ENOX2: variants seen among roughly 807,000 people sequenced by gnomAD.
ENOX2 encodes the protein APK1 antigen.
A neutral mutation model predicts 45.0 loss-of-function variants in ENOX2; 36 were observed. The observed-to-expected ratio is 0.80, with a 90% CI of 0.61 to 1.06. ENOX2 has a LOEUF of 1.06. Ranked by LOEUF, ENOX2 falls within the 50% of genes least tolerant of loss-of-function variation. The probability of loss-of-function intolerance (pLI) is 0.00; values close to 1 mark genes in which losing one functional copy is unlikely to be tolerated. For synonymous variants in ENOX2, 174 were observed against 152.3 expected (o/e 1.14, Z -1.05); for missense variants, 423 against 462.5 (o/e 0.91, Z 0.78).
chrX:130,670,120 T>C lies in ENOX2; in HGVS notation c.539A>G (p.Asp180Gly), dbSNP rs767058308. The change falls in exon 7 of 15, where the codon GAT becomes GGT. Residue 180 changes from aspartate (D) to glycine (G), a missense_variant. By Grantham distance (94) the Asp-to-Gly change is moderately conservative (BLOSUM62 -1). Around this residue, in one of 5 missense-constraint regions of ENOX2, gnomAD observed 261 missense variants for 306.8 expected, o/e 0.85. Transcript: ENST00000394363. ...RLHVDFAQAR[D>G]DLYEWECKQR... ...TTTACACTCCCACTCATACAGGTCA[T>C]CTCGAGCCTGTGCGAAATCAACGTG... The C allele has an allele frequency of 1.3e-5, 16 of 1,208,846 alleles. No individual in the cohort carries two copies. Among genetic ancestry groups the C allele is most frequent in the Admixed American group, 2.2e-5 (1 of 45,663 alleles).
At chrX:130,716,753 A>G (rs1055489102) in intron 3 of ENOX2, among the ~76,000 whole-genome samples, 3 of 112,634 alleles carry the variant, frequency 2.7e-5, no homozygotes, top group African/African-American at 9.7e-5. Flanking sequence ...TATCCTGTAT[A>G]TGATATATTT....
At chrX:130,800,342 CAA>C (rs199592323) in intron 2 of ENOX2, among the ~76,000 whole-genome samples, 10 of 62,104 alleles carry the variant, frequency 1.6e-4, no homozygotes, top group South Asian at 7.3e-4. Flanking sequence ...AATGAGTAGT[CAA>C]AAAAAAAAAA....
intron 3 of ENOX2, among the ~76,000 whole-genome samples, chrX:130,737,083 G>T (rs2038877053): frequency 8.9e-6 from 1 of 112,215 alleles, no homozygotes; most frequent in South Asian, 3.7e-4. Context: ...CCATAAACCA[G>T]TTTTCTGAAG....
At chrX:130,650,211 C>T (rs944326296) in intron 10 of ENOX2, among the ~76,000 whole-genome samples, 3 of 111,983 alleles carry the variant, frequency 2.7e-5, no homozygotes, top group Admixed American at 9.5e-5. Flanking sequence ...TGATTAGAGG[C>T]GTATTCTCCA....
chrX:130,902,917 C>T (rs2079172104), intron 1 of ENOX2, 132 bp downstream of exon 1: 1 of 109,839 alleles, frequency 9.1e-6, no homozygotes, highest in Non-Finnish European at 1.9e-5. Context: ...TCCCGATACC[C>T]CCTCCCCTGC....
At position 130,817,670 on chromosome X, in the gene ENOX2, C is replaced by CAT. The variant is rs770692687; in HGVS notation, c.-182-33981_-182-33980insAT. 8.0e-3 allele frequency among the ~76,000 whole-genome samples: 896 copies of CAT among 111,540 alleles called. 10 individuals are homozygous for CAT. Among genetic ancestry groups the CAT allele is most frequent in the African/African-American group, 0.027 (845 of 30,733 alleles). On this transcript the variant is annotated intron_variant, in intron 2 of 14. Transcript: ENST00000394363. Reference sequence around the variant, plus strand: ...TAAACGGAACCAATGACAAAAACCACGATTATCTCAATAGATGCAGAAAAG... The same window carrying CAT: ...TAAACGGAACCAATGACAAAAACCACATGATTATCTCAATAGATGCAGAAAAG...
chrX:130,855,768 G>A (rs1254699580), intron 2 of ENOX2, among the ~76,000 whole-genome samples: 1 of 111,649 alleles, frequency 9.0e-6, no homozygotes, highest in Non-Finnish European at 1.9e-5. Flanking sequence ...AGACTATTAA[G>A]TAGATGAAAA....
intron 2 of ENOX2, among the ~76,000 whole-genome samples, chrX:130,820,966 C>T (rs2077586162): frequency 8.9e-6 from 1 of 112,182 alleles, no homozygotes; most frequent in African/African-American, 3.2e-5. Context: ...GTTCTCACCA[C>T]AAAATATGTT....
chrX:130,716,345 T>C (rs999129275), intron 3 of ENOX2, among the ~76,000 whole-genome samples: 5 of 112,101 alleles, frequency 4.5e-5, no homozygotes, highest in Non-Finnish European at 9.4e-5. Context: ...TGTTCCAGTG[T>C]TACCCTCCAC....
chrX:130,820,925 T>C (rs1030678719), intron 2 of ENOX2, among the ~76,000 whole-genome samples: 9 of 112,079 alleles, frequency 8.0e-5, no homozygotes, highest in African/African-American at 1.9e-4. Context: ...TAATGTATTC[T>C]TGAAAATCAC....
intron 10 of ENOX2, among the ~76,000 whole-genome samples, chrX:130,647,680 A>G (rs772395946): frequency 2.7e-5 from 3 of 112,219 alleles, no homozygotes; most frequent in Non-Finnish European, 5.6e-5. Context: ...CTCAGGATTG[A>G]GCAAGGTCTT....
chrX:130,858,856 G>A (rs2078359953), intron 2 of ENOX2, among the ~76,000 whole-genome samples: 1 of 112,152 alleles, frequency 8.9e-6, no homozygotes, highest in Non-Finnish European at 1.9e-5. Context: ...AAGTTGTAGA[G>A]AAAAATTTAT....
intron 2 of ENOX2, among the ~76,000 whole-genome samples, chrX:130,823,407 A>G (rs2077655579): frequency 9.0e-6 from 1 of 111,377 alleles, no homozygotes; most frequent in Non-Finnish European, 1.9e-5. Flanking sequence ...ATCTAAAAAA[A>G]TCTTCTAGTA....
chrX:130,700,629 T>C lies in ENOX2; in HGVS notation c.97+2491A>G, dbSNP rs185004029. 4.5e-3 allele frequency among the ~76,000 whole-genome samples: 500 copies of C among 112,274 alleles called. 7 individuals are homozygous for C. Among genetic ancestry groups the C allele is most frequent in the African/African-American group, 0.015 (466 of 30,968 alleles). On this transcript the variant is annotated intron_variant, in intron 4 of 14. Transcript: ENST00000394363. Reference sequence around the variant, plus strand: ...CAGCAATTTGAAGAATGTATGTTAGTACTTCCTCTACATCAAAGAGCATAT... The same window carrying C: ...CAGCAATTTGAAGAATGTATGTTAGCACTTCCTCTACATCAAAGAGCATAT...
intron 3 of ENOX2, among the ~76,000 whole-genome samples, chrX:130,755,002 A>G (rs1479674183): frequency 1.6e-4 from 18 of 112,422 alleles, no homozygotes. Context: ...GTTAAGGGAC[A>G]GACTGCATCA....
intron 2 of ENOX2, among the ~76,000 whole-genome samples, chrX:130,787,687 T>C (rs186462673): frequency 8.9e-6 from 1 of 112,090 alleles, no homozygotes; most frequent in East Asian, 2.8e-4. Context: ...CTTAGGGATA[T>C]AGTTATTTTA....
intron 2 of ENOX2, among the ~76,000 whole-genome samples, chrX:130,883,888 A>G (rs1160284994): frequency 8.9e-6 from 1 of 112,380 alleles, no homozygotes; most frequent in Non-Finnish European, 1.9e-5. Flanking sequence ...TTGTAGATGA[A>G]AGACTTTTTC....
intron 12 of ENOX2, 21 bp downstream of exon 12, chrX:130,634,963 G>A: frequency 2.3e-6 from 2 of 880,136 alleles, no homozygotes; most frequent in Admixed American, 2.5e-5. Flanking sequence ...AAGGAAAAAG[G>A]TTCACTTAGG....
chrX:130,674,724 C>T (rs1011571453), intron 6 of ENOX2, among the ~76,000 whole-genome samples: 3 of 106,754 alleles, frequency 2.8e-5, no homozygotes, highest in African/African-American at 6.9e-5. Flanking sequence ...CCCACTAACT[C>T]GTCATCTAGC....
Sources: gnomAD v4.1 joint callset for allele counts (sites outside exome capture counted in the v4.1 genomes callset) on GRCh38, gnomAD v4.1.1 for gene constraint, gnomAD v4.1.1 regional missense constraint, MANE v1.5 for transcripts, NCBI Gene and HGNC (gene_info 2026-07-23, HGNC 2026-07-21) for gene names.